Variants in KLHL30 observed in about 807,000 individuals in gnomAD.
The protein encoded by KLHL30 is kelch like family member 30.
A neutral mutation model predicts 55.0 loss-of-function variants in KLHL30; 55 were observed. The ratio of observed to expected loss-of-function variants is 1.00; its 90% CI spans 0.80 to 1.25. The LOEUF (loss-of-function observed/expected upper bound fraction) is 1.25, where lower values mean the gene tolerates loss of function less well. Among genes scored for constraint, KLHL30 ranks in the 50% most tolerant of loss-of-function variants. The pLI is 0.00. For synonymous variants in KLHL30, 356 were observed against 372.6 expected, an observed-to-expected ratio of 0.96 and a Z score of 0.51; for missense variants, 786 against 811.6, an observed-to-expected ratio of 0.97 and a Z score of 0.38.
chr2:238,139,028 G>A (rs573600103), intron 1 of KLHL30, among the ~76,000 whole-genome samples: 44 of 152,308 alleles, frequency 2.9e-4, no homozygotes, highest in Admixed American at 2.8e-3. Flanking sequence ...AGCCACAGTC[G>A]CCAGCCTGGC....
intron 1 of KLHL30, among the ~76,000 whole-genome samples, chr2:238,139,750 C>T (rs1372186544): frequency 2.6e-5 from 4 of 152,212 alleles, no homozygotes; most frequent in Admixed American, 6.5e-5. Context: ...CCCCGCGAGG[C>T]GCCCCCTAGC....
At position 238,142,870 on chromosome 2, in the gene KLHL30, G is replaced by A. The variant is rs772112990; in HGVS notation, c.846G>A (p.Glu282=). 4.1e-6 allele frequency: 6 copies of A among 1,478,082 alleles called. No homozygotes were observed. The highest frequency in any genetic ancestry group is 5.3e-6 in the Non-Finnish European group (6 of 1,122,838). The allele number at this position is 1,478,082 out of a possible 1,614,324, so 91.6% of individuals were successfully genotyped here. ...VVVGGQALEE[E]EAGEEPTPGL... ...TGGGCGGGCAGGCGCTGGAGGAGGA[G>A]GAGGCAGGTGAGGAGCCCACCCCCG... The change falls in exon 3 of 8, where the codon GAG becomes GAA. Residue 282 remains glutamate (E), a synonymous_variant. Coordinates refer to ENST00000409223, the MANE Select transcript of KLHL30 (RefSeq NM_198582.4).
intron 1 of KLHL30, among the ~76,000 whole-genome samples, chr2:238,139,104 G>A (rs1430372201): frequency 6.6e-6 from 1 of 152,178 alleles, no homozygotes; most frequent in East Asian, 1.9e-4. Flanking sequence ...CAGGCACTGG[G>A]GTGAGGCTCT....
Position 238,151,855 on chromosome 2 carries a change from C to G in KLHL30, c.*790C>G. The G allele has an allele frequency of 1.0e-6, 1 of 983,972 alleles. No individual in the cohort carries two copies. Among genetic ancestry groups the G allele is most frequent in the Non-Finnish European group, 1.2e-6 (1 of 828,530 alleles). 61.0% of individuals were successfully genotyped at this position (983,972 alleles called of 1,614,324 possible). Reference sequence around the variant, plus strand: ...GTCTCTGTGTGTCAGAACAAAGGCTCTTCATTAGAATGGAATTTCCCACCA... The same window carrying G: ...GTCTCTGTGTGTCAGAACAAAGGCTGTTCATTAGAATGGAATTTCCCACCA... On this transcript the variant is annotated 3_prime_UTR_variant, in exon 8 of 8. Coordinates refer to ENST00000409223, the MANE Select transcript of KLHL30 (RefSeq NM_198582.4).
chr2:238,141,072 G>A lies in KLHL30; in HGVS notation c.318G>A (p.Leu106=). ...LTITQGNVEA[L]TRTAARLHFP... ...TCACGCAGGGCAACGTGGAGGCGCT[G>A]ACACGCACGGCTGCGCGCCTGCACT... Residue 106 remains leucine, a synonymous_variant, in exon 2 of 8, where the codon CTG becomes CTA. Transcript: ENST00000409223. The A allele has an allele frequency of 6.2e-7, 1 of 1,610,058 alleles. No homozygotes were observed. The highest frequency in any genetic ancestry group is 8.5e-7 in the Non-Finnish European group (1 of 1,177,844).
chr2:238,147,702 C>A lies in KLHL30; in HGVS notation c.1151-132C>A. On this transcript the variant is annotated intron_variant, in intron 5 of 7. Transcript: ENST00000409223. The surrounding 1 kb of genome is among the most constrained non-coding windows in gnomAD (Gnocchi z 5.8). ...GTGCCAGCACCTCTCAGAACCTCAG[C>A]TTCCCTGTCTGTGAAATGGGGAGCC... 1.9e-6 allele frequency: 1 copy of A among 515,094 alleles called. No individual in the cohort carries two copies. Among genetic ancestry groups the A allele is most frequent in the Non-Finnish European group, 3.2e-6 (1 of 314,994 alleles). 31.9% of individuals were successfully genotyped at this position (515,094 alleles called of 1,614,324 possible). A position where few individuals can be genotyped will look rare whatever the true frequency, so the allele number is the denominator to read the frequency against.
In KLHL30 at chr2:238,151,357, G is replaced by T. The variant is rs1692753386; in HGVS notation, c.*292G>T. On this transcript the variant is annotated 3_prime_UTR_variant, in exon 8 of 8. Transcript: ENST00000409223. ...GGGGTTCCCGAGACCTCAGAGAGGGGAGCCGGGGGCCGGGCCAGCATTCCC... is the reference window on the plus strand; with the variant it reads ...GGGGTTCCCGAGACCTCAGAGAGGGTAGCCGGGGGCCGGGCCAGCATTCCC... 2 of 492,664 alleles carry T rather than the reference G, an allele frequency of 4.1e-6. No individual in the cohort carries two copies. The highest frequency in any genetic ancestry group is 7.2e-6 in the Non-Finnish European group (2 of 275,968). The allele number at this position is 492,664 out of a possible 1,614,324, so 30.5% of individuals were successfully genotyped here.
At chr2:238,148,518 G>A (rs1318767621) in intron 6 of KLHL30, among the ~76,000 whole-genome samples, 1 of 152,226 alleles carries the variant, frequency 6.6e-6, no homozygotes, top group Non-Finnish European at 1.5e-5. Flanking sequence ...CTCCAGTCCT[G>A]TTTCACCCTC....
intron 3 of KLHL30, among the ~76,000 whole-genome samples, chr2:238,143,471 T>G (rs1300685094): frequency 6.6e-6 from 1 of 152,256 alleles, no homozygotes; most frequent in Non-Finnish European, 1.5e-5. Context: ...TCCTGCTGCT[T>G]CCTCACACAG....
chr2:238,144,980 A>G lies in KLHL30; in HGVS notation c.986A>G (p.Tyr329Cys), dbSNP rs557191254. 13 of 1,604,904 alleles carry G rather than the reference A, an allele frequency of 8.1e-6. No homozygotes were observed. The East Asian group carries it at 1.8e-4, about 22-fold the overall frequency. The change falls in exon 4 of 8, where the codon TAT becomes TGT. Residue 329 changes from tyrosine to cysteine, a missense_variant. By Grantham distance (194) the Tyr-to-Cys change is radical. Transcript: ENST00000409223. The stretch of plus-strand genomic sequence containing the variant: ...CTGGCGGCCCTGAACAACAACATCT[A>G]TGTCACAGGTGGGCAGCTCGGGGAC... ...FSLAALNNNI[Y>C]VTGGSRGTKT...
chr2:238,149,539 C>T (rs1195699395), intron 7 of KLHL30, among the ~76,000 whole-genome samples: 1 of 152,162 alleles, frequency 6.6e-6, no homozygotes, highest in Non-Finnish European at 1.5e-5. Context: ...TGGGAGAACG[C>T]GATTTGGGTT....
rs1201099880 is a variant in KLHL30, at chr2:238,151,209, G to C, written c.*144G>C. The C allele has an allele frequency of 8.7e-7, 1 of 1,152,872 alleles. No individual in the cohort carries two copies. The highest frequency in any genetic ancestry group is 1.2e-6 in the Non-Finnish European group (1 of 830,634). 71.4% of individuals were successfully genotyped at this position (1,152,872 alleles called of 1,614,324 possible). A position where few individuals can be genotyped will look rare whatever the true frequency, so the allele number is the denominator to read the frequency against. ...CTCAGGCCACCAGGGGTGATCAGAC[G>C]GCATGGCTTGGAGGACACAGCCTTG... is the stretch of plus-strand genomic sequence containing the variant. On this transcript the variant is annotated 3_prime_UTR_variant, in exon 8 of 8. Transcript: ENST00000409223.
Position 238,152,240 on chromosome 2 carries a change from C to T in KLHL30, c.*1175C>T. The T allele has an allele frequency of 1.0e-6, 1 of 985,342 alleles. No individual in the cohort carries two copies. The allele number at this position is 985,342 out of a possible 1,614,324, so 61.0% of individuals were successfully genotyped here. On this transcript the variant is annotated 3_prime_UTR_variant, in exon 8 of 8. Transcript: ENST00000409223. ...GCCCCTGGGTTCCTCCTTAACACCC[C>T]CCGCCCCTGGGGACCAGAGGGGCCT...
intron 3 of KLHL30, among the ~76,000 whole-genome samples, chr2:238,143,558 C>T (rs1358924039): frequency 1.4e-4 from 22 of 152,266 alleles, no homozygotes; most frequent in Admixed American, 3.9e-4. Context: ...GGCCCCGCAG[C>T]GGCTCTGGAG....
At chr2:238,149,704 G>C (rs1559277975) in intron 7 of KLHL30, among the ~76,000 whole-genome samples, 1 of 152,166 alleles carries the variant, frequency 6.6e-6, no homozygotes, top group Non-Finnish European at 1.5e-5. Flanking sequence ...GTTGGGGAGG[G>C]GGTTCCTGAG....
Position 238,140,922 on chromosome 2 carries a change from C to T in KLHL30, c.168C>T (p.Pro56=). The change falls in exon 2 of 8, where the codon CCC becomes CCT. Residue 56 remains proline, a synonymous_variant. Transcript: ENST00000409223. ...GCGGCCTCCTGGCGCTCAGCAGCCC[C>T]TACTTCCATGCCATGTTTGCGGGTG... ...CHRGLLALSS[P]YFHAMFAGDF... The T allele has an allele frequency of 6.2e-7, 1 of 1,611,214 alleles. No homozygotes were observed. The highest frequency in any genetic ancestry group is 2.2e-5 in the East Asian group (1 of 44,824).
At chr2:238,145,114 T>C in intron 4 of KLHL30, 126 bp downstream of exon 4, 1 of 762,226 alleles carries the variant, frequency 1.3e-6, no homozygotes, top group Non-Finnish European at 2.2e-6. Flanking sequence ...TCCATGCATG[T>C]GAAAACAAGG....
chr2:238,144,416 AAGGAAGGAAGGAAGGAAGGCAGGCAGGC>A (rs1231850813), intron 3 of KLHL30, among the ~76,000 whole-genome samples: 191 of 107,200 alleles, frequency 1.8e-3, no homozygotes, highest in South Asian at 5.1e-3. Flanking sequence ...GGAAGGAAGG[AAGGAAGGAAGGAAGGAAGGCAGGCAGGC>A]AGGCAGGCAG....
rs1431873085 is a variant in KLHL30, at chr2:238,145,664, C to T, written c.995-13C>T. 4 of 1,567,972 alleles carry T rather than the reference C, an allele frequency of 2.6e-6. No homozygotes were observed. Among genetic ancestry groups the T allele is most frequent in the East Asian group, 2.4e-5 (1 of 42,084 alleles). On this transcript the variant is annotated splice_polypyrimidine_tract_variant and intron_variant, in intron 4 of 7. Coordinates refer to ENST00000409223, the MANE Select transcript of KLHL30 (RefSeq NM_198582.4). Reference sequence around the variant, plus strand: ...GCTGGTGGCACCCATGTAGACAGAACTTCTCCCGGCAGGTGGCTCTCGGGG... The same window carrying T: ...GCTGGTGGCACCCATGTAGACAGAATTTCTCCCGGCAGGTGGCTCTCGGGG...
Sources: allele counts gnomAD v4.1 joint callset (sites outside exome capture counted in the v4.1 genomes callset), GRCh38; gene constraint gnomAD v4.1.1; non-coding constraint Gnocchi (gnomAD v3.1); transcripts MANE v1.5; gene names NCBI Gene and HGNC (gene_info 2026-07-23, HGNC 2026-07-21).